AGAP1: variants seen among roughly 807,000 people sequenced by gnomAD.
AGAP1 encodes the protein arf-GAP with GTPase, ANK repeat and PH domain-containing protein 1.
In AGAP1, 29 loss-of-function variants were observed where a neutral mutation model predicts 105.3. That is an observed-to-expected ratio of 0.28 (90% CI 0.21 to 0.38). The LOEUF (loss-of-function observed/expected upper bound fraction) is 0.38, where lower values mean the gene tolerates loss of function less well. AGAP1 is among the 10% of genes least tolerant of loss of function. The pLI is 1.00. For missense variants in AGAP1, 998 were observed against 1,165.1 expected, an observed-to-expected ratio of 0.86 and a Z score of 2.09; for synonymous variants, 509 against 485.9, an observed-to-expected ratio of 1.05 and a Z score of -0.63.
intron 3 of AGAP1, among the ~76,000 whole-genome samples, chr2:235,735,635 G>A (rs1369399112): frequency 2.0e-5 from 3 of 151,844 alleles, no homozygotes; most frequent in Admixed American, 6.6e-5. Flanking sequence ...GTTCATTCAC[G>A]GTGAACGCAC....
At chr2:235,778,812 C>T (rs1344405935) in intron 6 of AGAP1, among the ~76,000 whole-genome samples, 1 of 152,164 alleles carries the variant, frequency 6.6e-6, no homozygotes, top group African/African-American at 2.4e-5. Context: ...TCAGGAACAA[C>T]CACATCTAGA....
chr2:236,018,760 C>G (rs1034933234), intron 13 of AGAP1, among the ~76,000 whole-genome samples: 7 of 152,080 alleles, frequency 4.6e-5, no homozygotes, highest in Non-Finnish European at 1.0e-4. Flanking sequence ...GCCTAAAGTC[C>G]CAATTCGAGC....
chr2:235,619,226 C>T (rs1479128985), intron 1 of AGAP1, among the ~76,000 whole-genome samples: 1 of 152,204 alleles, frequency 6.6e-6, no homozygotes. Flanking sequence ...ATAGGGAACT[C>T]ACGCAGTAAG....
chr2:235,651,895 C>T (rs1261934472), intron 1 of AGAP1, among the ~76,000 whole-genome samples: 1 of 152,126 alleles, frequency 6.6e-6, no homozygotes, highest in African/African-American at 2.4e-5. Flanking sequence ...CATATAAAGG[C>T]AGCAGGGCAC....
intron 16 of AGAP1, among the ~76,000 whole-genome samples, chr2:236,052,355 G>C (rs2057926002): frequency 6.6e-6 from 1 of 152,108 alleles, no homozygotes. Flanking sequence ...TCAAGACCAT[G>C]GGGAAGTAGA....
chr2:235,562,803 T>A (rs1450558479), intron 1 of AGAP1, among the ~76,000 whole-genome samples: 2 of 152,120 alleles, frequency 1.3e-5, no homozygotes, highest in African/African-American at 4.8e-5. Context: ...ATGCCTGTAA[T>A]CTCAGAATTT....
intron 1 of AGAP1, among the ~76,000 whole-genome samples, chr2:235,527,441 G>A (rs1356370619): frequency 6.6e-6 from 1 of 152,152 alleles, no homozygotes; most frequent in Non-Finnish European, 1.5e-5. Flanking sequence ...CACGATCATG[G>A]CTCTCTGTAG....
chr2:235,831,768 C>T (rs533494160), intron 9 of AGAP1, among the ~76,000 whole-genome samples: 1 of 152,200 alleles, frequency 6.6e-6, no homozygotes, highest in Non-Finnish European at 1.5e-5. Flanking sequence ...GCTGCTAATA[C>T]ACATTTGGGT....
rs144201053 is a variant in AGAP1 at position 235,552,832 on chromosome 2, T to C, written c.163+57983T>C. On this transcript the variant is annotated intron_variant, in intron 1 of 17. Coordinates refer to ENST00000304032, the MANE Select transcript of AGAP1 (RefSeq NM_001037131.3). The surrounding 1 kb of genome is among the most constrained non-coding windows in gnomAD (Gnocchi z 5.9). ...GACAGAGTGTGATGGGCCCCATCTC[T>C]CTCTGCTGAGCCGGGTTCTGACTCT... 3.5e-3 allele frequency among the ~76,000 whole-genome samples: 531 copies of C among 152,288 alleles called. 11 individuals are homozygous for C. In the East Asian group the frequency reaches 0.055, roughly 16 times the overall value.
chr2:236,088,121 T>A (rs1044059995), intron 16 of AGAP1, among the ~76,000 whole-genome samples: 2 of 152,216 alleles, frequency 1.3e-5, no homozygotes, highest in African/African-American at 4.8e-5. Context: ...ATTGTGAACC[T>A]TACCCAGCTG....
Position 235,877,691 on chromosome 2 carries a change from A to G in AGAP1, c.1051-5654A>G, listed in dbSNP as rs2049812473. On this transcript the variant is annotated intron_variant, in intron 9 of 17. Transcript: ENST00000304032. This position sits in a 1 kb window ranked among gnomAD's most constrained non-coding sequence, Gnocchi z 4.3. ...TTAGATAGTGATTAAAATACACTCA[A>G]AAATTTAAAAATTCTCTTGGAGAAA... 6.6e-6 allele frequency among the ~76,000 whole-genome samples: 1 copy of G among 152,200 alleles called. No individual in the cohort carries two copies. Among genetic ancestry groups the G allele is most frequent in the Non-Finnish European group, 1.5e-5 (1 of 68,032 alleles).
At chr2:235,707,704 C>CAT (rs111508231) in intron 1 of AGAP1, among the ~76,000 whole-genome samples, 1 of 149,962 alleles carries the variant, frequency 6.7e-6, no homozygotes, top group African/African-American at 2.5e-5. Flanking sequence ...CAGCCTGTGA[C>CAT]ATGGTGGGTT....
At chr2:235,497,479 TAGAA>T (rs1188778457) in intron 1 of AGAP1, among the ~76,000 whole-genome samples, 2 of 152,218 alleles carry the variant, frequency 1.3e-5, no homozygotes, top group Admixed American at 6.5e-5. Flanking sequence ...TCCCACCAAA[TAGAA>T]AGCTGGCCAC....
chr2:236,039,445 G>A (rs1011801894), intron 14 of AGAP1, among the ~76,000 whole-genome samples: 1 of 152,088 alleles, frequency 6.6e-6, no homozygotes, highest in Non-Finnish European at 1.5e-5. Flanking sequence ...CTCTCTAGGT[G>A]GGGAAAAAGG....
At chr2:235,670,467 G>A in intron 1 of AGAP1, 1 of 525,348 alleles carries the variant, frequency 1.9e-6, no homozygotes, top group Non-Finnish European at 3.4e-6. Context: ...CTGGCCGGCA[G>A]CGCCCCGGCC....
Position 235,665,769 on chromosome 2 carries a change from C to T in AGAP1, c.164-43410C>T, listed in dbSNP as rs1191644672. On this transcript the variant is annotated intron_variant, in intron 1 of 17. Coordinates refer to ENST00000304032, the MANE Select transcript of AGAP1 (RefSeq NM_001037131.3). This position sits in a 1 kb window ranked among gnomAD's most constrained non-coding sequence, Gnocchi z 5.3. ...GGCCTGGGCAGTACCAGTGGTTGGC[C>T]AGTTTCTACCATCAGCAGACGCGGT... Among the ~76,000 whole-genome samples the T allele has an allele frequency of 3.3e-5, 5 of 152,054 alleles. No homozygotes were observed. The highest frequency in any genetic ancestry group is 9.7e-5 in the African/African-American group (4 of 41,402).
At chr2:236,032,057 C>T (rs951389874) in intron 13 of AGAP1, among the ~76,000 whole-genome samples, 2 of 152,214 alleles carry the variant, frequency 1.3e-5, no homozygotes, top group African/African-American at 4.8e-5. Context: ...GAATTCTAGT[C>T]ATGCATTTGA....
intron 16 of AGAP1, among the ~76,000 whole-genome samples, chr2:236,093,152 A>G (rs1228068312): frequency 6.6e-6 from 1 of 152,254 alleles, no homozygotes; most frequent in Non-Finnish European, 1.5e-5. Flanking sequence ...CAAAAACGTG[A>G]TATTTTAATT....
intron 1 of AGAP1, among the ~76,000 whole-genome samples, chr2:235,603,658 C>T (rs1945815337): frequency 6.6e-6 from 1 of 152,198 alleles, no homozygotes; most frequent in African/African-American, 2.4e-5. Context: ...AAATTATGTT[C>T]AGTGCTGTAA....
Sources: gnomAD v4.1 joint callset for allele counts (sites outside exome capture counted in the v4.1 genomes callset) on GRCh38, gnomAD v4.1.1 for gene constraint, Gnocchi (gnomAD v3.1) non-coding constraint, MANE v1.5 for transcripts, NCBI Gene and HGNC (gene_info 2026-07-23, HGNC 2026-07-21) for gene names.